The following RGS6 variants were observed in gnomAD, a reference collection of about 807,000 sequenced individuals.
The protein encoded by RGS6 is regulator of G protein signaling 6, also known as regulator of G-protein signaling 6.
Under a neutral mutation model 78.5 loss-of-function variants are expected in RGS6, and 30 were observed. The ratio of observed to expected loss-of-function variants is 0.38; its 90% CI spans 0.29 to 0.52. RGS6 has a LOEUF of 0.52. Among genes scored for constraint, RGS6 ranks in the 20% least tolerant of loss-of-function variants. The probability of loss-of-function intolerance (pLI) is 0.85; values close to 1 mark genes in which losing one functional copy is unlikely to be tolerated. For missense variants in RGS6, 495 were observed against 609.7 expected (o/e 0.81, Z 1.98); for synonymous variants, 206 against 206.0 (o/e 1.00, Z 0.00).
chr14:71,980,378 A>G (rs1315696002), intron 2 of RGS6, among the ~76,000 whole-genome samples: 1 of 151,358 alleles, frequency 6.6e-6, no homozygotes, highest in Non-Finnish European at 1.5e-5. Flanking sequence ...ACATTTTGGT[A>G]TGATTTTGCA....
chr14:72,037,028 TACACCAATCAGCACTCTGTAAAAAC>T (rs2091812281), intron 2 of RGS6, among the ~76,000 whole-genome samples: 4 of 152,162 alleles, frequency 2.6e-5, no homozygotes, highest in Admixed American at 2.6e-4. Context: ...GGATTGTAAA[TACACCAATCAGCACTCTGTAAAAAC>T]ACACCAATCA....
At chr14:71,959,002 A>G (rs1238514018) in intron 1 of RGS6, among the ~76,000 whole-genome samples, 1 of 152,184 alleles carries the variant, frequency 6.6e-6, no homozygotes, top group Non-Finnish European at 1.5e-5. Flanking sequence ...ATCCCAGTAA[A>G]ATACTGGGTG....
chr14:72,326,899 G>T (rs145964796), intron 2 of RGS6, among the ~76,000 whole-genome samples: 1 of 152,088 alleles, frequency 6.6e-6, no homozygotes, highest in Non-Finnish European at 1.5e-5. Context: ...AATAGAGATG[G>T]GGTTTCACTG....
chr14:72,397,925 T>G (rs1211044630), intron 3 of RGS6, among the ~76,000 whole-genome samples: 1 of 152,186 alleles, frequency 6.6e-6, no homozygotes, highest in Non-Finnish European at 1.5e-5. Flanking sequence ...TGGATAAGCT[T>G]TTTGATGTGC....
chr14:72,367,347 G>A (rs1165768777), intron 3 of RGS6, among the ~76,000 whole-genome samples: 4 of 152,046 alleles, frequency 2.6e-5, no homozygotes, highest in Non-Finnish European at 4.4e-5. Flanking sequence ...TTGGGAATGT[G>A]TAAGACCCCT....
chr14:72,567,790 C>T (rs573004627), downstream of RGS6, among the ~76,000 whole-genome samples: 1 of 152,330 alleles, frequency 6.6e-6, no homozygotes, highest in East Asian at 1.9e-4. Context: ...CCTGGGCCCA[C>T]AGAGCTCTGC....
At chr14:72,547,588 G>A (rs2097427443) in intron 17 of RGS6, among the ~76,000 whole-genome samples, 1 of 152,196 alleles carries the variant, frequency 6.6e-6, no homozygotes, top group African/African-American at 2.4e-5. Context: ...ACACTGCCGG[G>A]GGTGGGACTC....
Position 72,518,543 on chromosome 14 carries a change from C to G in RGS6, c.1278+6C>G, listed in dbSNP as rs375352082. 4 of 1,613,306 alleles carry G rather than the reference C, an allele frequency of 2.5e-6. No individual in the cohort carries two copies. The highest frequency in any genetic ancestry group is 3.4e-6 in the Non-Finnish European group (4 of 1,179,464). On this transcript the variant is annotated splice_donor_region_variant and intron_variant, in intron 15 of 17. Coordinates refer to ENST00000553525, the MANE Select transcript of RGS6 (RefSeq NM_001204424.2). ...ATACATTTGAAGACGCCCAGGTTTG[C>G]TTATCTACTCAAGTGGTTGTCATAA... is the stretch of plus-strand genomic sequence containing the variant.
intron 7 of RGS6, among the ~76,000 whole-genome samples, chr14:72,468,384 A>T (rs916674769): frequency 1.3e-5 from 2 of 152,062 alleles, no homozygotes; most frequent in Admixed American, 1.3e-4. Context: ...TCAAAAAAAA[A>T]AAAAAGAATA....
the RGS6 span, among the ~76,000 whole-genome samples, chr14:72,571,596 G>A: frequency 5.9e-5 from 9 of 152,048 alleles, no homozygotes; most frequent in Admixed American, 5.2e-4. Flanking sequence ...TTCAACAAAC[G>A]GTGCTGGAAT....
At chr14:72,588,738 C>T in the RGS6 span, among the ~76,000 whole-genome samples, 14 of 152,318 alleles carry the variant, frequency 9.2e-5, no homozygotes, top group African/African-American at 3.4e-4. Flanking sequence ...TTTCAGAAGG[C>T]AAGTTTCTGT....
chr14:72,356,614 T>C (rs1430368280), intron 3 of RGS6, among the ~76,000 whole-genome samples: 1 of 152,102 alleles, frequency 6.6e-6, no homozygotes, highest in Non-Finnish European at 1.5e-5. Flanking sequence ...TGTATAATAG[T>C]TCCCATAATT....
intron 1 of RGS6, among the ~76,000 whole-genome samples, chr14:71,937,780 G>T (rs529447418): frequency 1.3e-5 from 2 of 152,278 alleles, no homozygotes; most frequent in African/African-American, 4.8e-5. Flanking sequence ...ACCCATATCC[G>T]GAGTAAATGT....
At chr14:72,164,686 T>C (rs574161367) in intron 2 of RGS6, among the ~76,000 whole-genome samples, 26 of 131,838 alleles carry the variant, frequency 2.0e-4, no homozygotes, top group Non-Finnish European at 4.0e-4. Context: ...AAGTGGGAAA[T>C]GTCATGACTT....
intron 2 of RGS6, among the ~76,000 whole-genome samples, chr14:72,089,107 A>G (rs763891245): frequency 6.6e-6 from 1 of 152,244 alleles, no homozygotes; most frequent in South Asian, 2.1e-4. Context: ...CCTGATTAGA[A>G]TTAATTTTCA....
At chr14:71,996,835 G>A (rs533578669) in intron 2 of RGS6, among the ~76,000 whole-genome samples, 36 of 152,290 alleles carry the variant, frequency 2.4e-4, no homozygotes, top group African/African-American at 8.4e-4. Flanking sequence ...GGTACAGGGA[G>A]GGAGGAGCAT....
At chr14:72,263,650 T>G (rs2058560826) in intron 2 of RGS6, among the ~76,000 whole-genome samples, 1 of 152,182 alleles carries the variant, frequency 6.6e-6, no homozygotes, top group African/African-American at 2.4e-5. Flanking sequence ...TCAAAGAGGC[T>G]TGAGAGAGGT....
At chr14:71,992,764 T>C (rs945202682) in intron 2 of RGS6, among the ~76,000 whole-genome samples, 3 of 152,262 alleles carry the variant, frequency 2.0e-5, no homozygotes, top group African/African-American at 7.2e-5. Flanking sequence ...GGCCAACTTA[T>C]ATTTCTTGAG....
the RGS6 span, among the ~76,000 whole-genome samples, chr14:71,892,964 C>T: frequency 1.8e-4 from 27 of 152,340 alleles, no homozygotes; most frequent in Admixed American, 1.2e-3. Context: ...CTTCATGGGA[C>T]GGCAGCGATC....
Sources: allele counts gnomAD v4.1 joint callset (sites outside exome capture counted in the v4.1 genomes callset), GRCh38; gene constraint gnomAD v4.1.1; transcripts MANE v1.5; gene names NCBI Gene and HGNC (gene_info 2026-07-23, HGNC 2026-07-21).